Variants in S100B observed in about 807,000 individuals in gnomAD.
The protein encoded by S100B is S100 calcium binding protein B.
In S100B, 6 loss-of-function variants were observed where a neutral mutation model predicts 7.7. The ratio of observed to expected loss-of-function variants is 0.78; its 90% CI spans 0.43 to 1.54. The LOEUF (loss-of-function observed/expected upper bound fraction) is 1.54, where lower values mean the gene tolerates loss of function less well. Among genes scored for constraint, S100B ranks in the 40% most tolerant of loss-of-function variants. The pLI, the probability that S100B is intolerant of heterozygous loss-of-function variation, is 0.01. For missense variants in S100B, 99 were observed against 111.8 expected (o/e 0.89, Z 0.52); for synonymous variants, 36 against 40.4 (o/e 0.89, Z 0.41).
At chr21:46,602,011 T>C (rs545566019) in intron 2 of S100B, among the ~76,000 whole-genome samples, 1 of 152,140 alleles carries the variant, frequency 6.6e-6, no homozygotes, top group Non-Finnish European at 1.5e-5. Context: ...AAGTAATGAG[T>C]CTAGCATTAT....
intron 1 of S100B, among the ~76,000 whole-genome samples, chr21:46,603,392 A>AGGGGGTGGGGGGAGGGGGGGGCGGGGT (rs796474856): frequency 2.6e-5 from 1 of 38,206 alleles, no homozygotes; most frequent in African/African-American, 1.0e-4. Context: ...GGACGGCGGG[A>AGGGGGTGGGGGGAGGGGGGGGCGGGGT]GGGGGTGGGG....
In S100B at chr21:46,599,370, T is replaced by C. The variant is rs758094032; in HGVS notation, c.272A>G (p.His91Arg). 7 of 1,613,838 alleles carry C rather than the reference T, an allele frequency of 4.3e-6. No individual in the cohort carries two copies. The Admixed American group carries it at 1.2e-4, about 27-fold the overall frequency. The change falls in exon 3 of 3, where the codon CAT (histidine) becomes CGT (arginine). Residue 91 changes from histidine to arginine, a missense_variant. Transcript: ENST00000291700. ...TTTGGCTGCTTTCTAATCTCACTCA[T>C]GTTCAAAGAACTCGTGGCAGGCAGT... ...VTTACHEFFE[H>R]E
At chr21:46,599,625 G>A in intron 2 of S100B, 122 bp from the exon 3 acceptor site, 1 of 890,710 alleles carries the variant, frequency 1.1e-6, no homozygotes, top group South Asian at 1.4e-5. Flanking sequence ...AACATCAAAT[G>A]CAAAATATCA....
chr21:46,603,392 A>AGGGGGGGGGGGGGGAGGG (rs1555923741), intron 1 of S100B, among the ~76,000 whole-genome samples: 1 of 38,206 alleles, frequency 2.6e-5, no homozygotes, highest in African/African-American at 1.0e-4. Flanking sequence ...GGACGGCGGG[A>AGGGGGGGGGGGGGGAGGG]GGGGGTGGGG....
chr21:46,604,095 GA>G (rs1356546713), intron 1 of S100B, among the ~76,000 whole-genome samples: 1 of 152,152 alleles, frequency 6.6e-6, no homozygotes, highest in African/African-American at 2.4e-5. Context: ...TATTACAAAG[GA>G]AAGGCATAAA....
intron 2 of S100B, among the ~76,000 whole-genome samples, chr21:46,601,181 A>G (rs1224635042): frequency 6.6e-6 from 1 of 152,076 alleles, no homozygotes; most frequent in Non-Finnish European, 1.5e-5. Flanking sequence ...GCCGTCTTGC[A>G]CTGAGAGGCT....
At chr21:46,603,398 T>TGGGGGGGGAGGGGGGGGC in intron 1 of S100B, among the ~76,000 whole-genome samples, 3,668 of 52,226 alleles carry the variant, frequency 0.07, 211 homozygotes, top group African/African-American at 0.12. Context: ...CGGGAGGGGG[T>TGGGGGGGGAGGGGGGGGC]GGGGGCAGGA....
intron 1 of S100B, 161 bp from the exon 2 acceptor site, chr21:46,602,577 GA>G (rs1424421530): frequency 7.7e-6 from 5 of 647,800 alleles, no homozygotes; most frequent in Non-Finnish European, 5.0e-6. Flanking sequence ...GGCATTCTGG[GA>G]ATTTGCACTT....
rs1218917036 is a variant in S100B, at chr21:46,598,811, G to T, written c.*552C>A. ...TCTGATGGAGTTGCTTTTTCCAGGA[G>T]CGCTGCCAGCGCTGAGCGTTCACCT... is the stretch of plus-strand genomic sequence containing the variant. On this transcript the variant is annotated 3_prime_UTR_variant, in exon 3 of 3. Coordinates refer to ENST00000291700, the MANE Select transcript of S100B (RefSeq NM_006272.3). 1.3e-5 allele frequency among the ~76,000 whole-genome samples: 2 copies of T among 152,196 alleles called. No individual in the cohort carries two copies. The highest frequency in any genetic ancestry group is 2.9e-5 in the Non-Finnish European group (2 of 68,024).
At position 46,599,260 on chromosome 21, in the gene S100B, A is replaced by C. The variant is rs1215067093; in HGVS notation, c.*103T>G. On this transcript the variant is annotated 3_prime_UTR_variant, in exon 3 of 3. Transcript: ENST00000291700. ...CAAATCAAGCTTCCTAATTAGCTAC[A>C]ACACGGCTGGAAAGCTCAGCTCCTA... 9.4e-7 allele frequency: 1 copy of C among 1,068,740 alleles called. No individual in the cohort carries two copies. Among genetic ancestry groups the C allele is most frequent in the African/African-American group, 1.6e-5 (1 of 61,986 alleles). 66.2% of individuals were successfully genotyped at this position (1,068,740 alleles called of 1,614,324 possible).
chr21:46,603,398 T>TGGGGGGGGGG, intron 1 of S100B, among the ~76,000 whole-genome samples: 1 of 52,060 alleles, frequency 1.9e-5, no homozygotes, highest in Non-Finnish European at 3.8e-5. Context: ...CGGGAGGGGG[T>TGGGGGGGGGG]GGGGGCAGGA....
rs189098271 is a variant in S100B at position 46,604,699 on chromosome 21, T to C, written c.-2+314A>G. On this transcript the variant is annotated intron_variant, in intron 1 of 2. Coordinates refer to ENST00000291700, the MANE Select transcript of S100B (RefSeq NM_006272.3). ...AGCAAAATCTTTACTCTTCAAATAG[T>C]TACAGAAGAGGCAGTATTTGTAGTA... Among the ~76,000 whole-genome samples the C allele has an allele frequency of 3.9e-5, 6 of 152,316 alleles. No homozygotes were observed. In the East Asian group the frequency reaches 7.7e-4, roughly 20 times the overall value.
At position 46,599,620 on chromosome 21, in the gene S100B, C is replaced by G; in HGVS notation, c.139-117G>C. On this transcript the variant is annotated intron_variant, in intron 2 of 2. Transcript: ENST00000291700. ...TGTGTCCGAAATAACCTAAGAACAT[C>G]AAATGCAAAATATCAGAAAAGATGT... The G allele has an allele frequency of 7.6e-6, 7 of 916,656 alleles. No homozygotes were observed. In the South Asian group the frequency reaches 9.7e-5, roughly 13 times the overall value. The allele number at this position is 916,656 out of a possible 1,614,324, so 56.8% of individuals were successfully genotyped here. A position where few individuals can be genotyped will look rare whatever the true frequency, so the allele number is the denominator to read the frequency against.
At chr21:46,599,528 G>A (rs2061035877) in intron 2 of S100B, 25 bp from the exon 3 acceptor site, 13 of 1,611,876 alleles carry the variant, frequency 8.1e-6, no homozygotes, top group East Asian at 2.2e-5. Flanking sequence ...AGGAGTTGCC[G>A]ACCTTGTTTT....
At chr21:46,600,656 A>G (rs1490547201) in intron 2 of S100B, among the ~76,000 whole-genome samples, 2 of 152,170 alleles carry the variant, frequency 1.3e-5, no homozygotes, top group Non-Finnish European at 2.9e-5. Flanking sequence ...ATTATATTAT[A>G]CATCTGCTTC....
chr21:46,600,473 A>T (rs2148943858), intron 2 of S100B: 1 of 362,960 alleles, frequency 2.8e-6, no homozygotes, highest in Non-Finnish European at 5.5e-6. Flanking sequence ...TGAGCCTGGG[A>T]GGTTGAGGCT....
At chr21:46,603,141 C>A (rs2061046370) in intron 1 of S100B, among the ~76,000 whole-genome samples, 1 of 151,200 alleles carries the variant, frequency 6.6e-6, no homozygotes, top group African/African-American at 2.4e-5. Context: ...GGTGACATGA[C>A]AAAAACAGCT....
At chr21:46,603,398 T>TGGGGGGTGGGGGGGGCGGGGGGGGGG in intron 1 of S100B, among the ~76,000 whole-genome samples, 204 of 51,932 alleles carry the variant, frequency 3.9e-3, no homozygotes, top group Admixed American at 4.5e-3. Context: ...CGGGAGGGGG[T>TGGGGGGTGGGGGGGGCGGGGGGGGGG]GGGGGCAGGA....
chr21:46,603,392 A>AGGGGGTGGGGGGAGGGGGGGCGGGG (rs796474856), intron 1 of S100B, among the ~76,000 whole-genome samples: 1 of 38,206 alleles, frequency 2.6e-5, no homozygotes, highest in East Asian at 1.1e-3. Context: ...GGACGGCGGG[A>AGGGGGTGGGGGGAGGGGGGGCGGGG]GGGGGTGGGG....
Sources: allele counts gnomAD v4.1 joint callset (sites outside exome capture counted in the v4.1 genomes callset), GRCh38; gene constraint gnomAD v4.1.1; transcripts MANE v1.5; gene names NCBI Gene and HGNC (gene_info 2026-07-23, HGNC 2026-07-21).